The following GRM8 variants were observed in gnomAD, a reference collection of about 807,000 sequenced individuals.
GRM8 encodes glutamate metabotropic receptor 8, also known as metabotropic glutamate receptor 8.
In GRM8, 47 loss-of-function variants were observed where a neutral mutation model predicts 87.2. That is an observed-to-expected ratio of 0.54 (90% CI 0.43 to 0.69). The LOEUF is 0.69. Among genes scored for constraint, GRM8 ranks in the 30% least tolerant of loss-of-function variants. The pLI, the probability that GRM8 is intolerant of heterozygous loss-of-function variation, is 0.00. For synonymous variants in GRM8, 396 were observed against 404.5 expected (o/e 0.98, Z 0.25); for missense variants, 1,019 against 1,139.2 (o/e 0.89, Z 1.52).
Position 126,744,840 on chromosome 7 carries a change from C to T in GRM8, c.1357+25025G>A, listed in dbSNP as rs188095578. Among the ~76,000 whole-genome samples the T allele has an allele frequency of 3.0e-4, 45 of 152,032 alleles. No homozygotes were observed. The Middle Eastern group carries it at 0.01, about 34-fold the overall frequency. ...TGGAAGATATAAGAATGCAAGCTGT[C>T]TTCTAGTAATCCAGACATTAAAGGG... On this transcript the variant is annotated intron_variant, in intron 7 of 10. Transcript: ENST00000339582.
At chr7:126,614,595 G>A (rs929239422) in intron 7 of GRM8, among the ~76,000 whole-genome samples, 5 of 152,134 alleles carry the variant, frequency 3.3e-5, no homozygotes, top group South Asian at 2.1e-4. Flanking sequence ...GAGGAAGTTC[G>A]AACCCAATGC....
chr7:126,779,493 A>G (rs1203403928), intron 6 of GRM8, among the ~76,000 whole-genome samples: 1 of 152,058 alleles, frequency 6.6e-6, no homozygotes, highest in Non-Finnish European at 1.5e-5. Context: ...AGTCTTTATA[A>G]CTAATTAAAC....
chr7:126,786,527 T>C (rs1462389027), intron 6 of GRM8, among the ~76,000 whole-genome samples: 1 of 152,174 alleles, frequency 6.6e-6, no homozygotes, highest in Non-Finnish European at 1.5e-5. Context: ...TCTCAAAAAA[T>C]GTGAGTGTCC....
At chr7:126,822,072 C>T (rs1410591097) in intron 6 of GRM8, among the ~76,000 whole-genome samples, 1 of 152,174 alleles carries the variant, frequency 6.6e-6, no homozygotes, top group African/African-American at 2.4e-5. Context: ...TGCCACAGAG[C>T]TGACACTGTG....
At chr7:127,046,669 A>C (rs1248300522) in intron 3 of GRM8, among the ~76,000 whole-genome samples, 1 of 152,244 alleles carries the variant, frequency 6.6e-6, no homozygotes, top group Non-Finnish European at 1.5e-5. Flanking sequence ...TTGATTTTAT[A>C]TCTAACGGCC....
Position 127,185,597 on chromosome 7 carries a change from GA to G in GRM8, c.510+57097del, listed in dbSNP as rs200954975. Among the ~76,000 whole-genome samples the G allele has an allele frequency of 7.3e-3, 1,107 of 151,854 alleles. 19 individuals carry two copies. Among genetic ancestry groups the G allele is most frequent in the African/African-American group, 0.026 (1,060 of 41,438 alleles). On this transcript the variant is annotated intron_variant, in intron 2 of 10. Coordinates refer to ENST00000339582, the MANE Select transcript of GRM8 (RefSeq NM_000845.3). ...GATACAACACCAAAGCATAATCTAC[GA>G]AAAAAAATTGGTAAGTTGGATTTTA... is the stretch of plus-strand genomic sequence containing the variant.
intron 3 of GRM8, among the ~76,000 whole-genome samples, chr7:127,017,478 A>G (rs184802772): frequency 6.1e-4 from 93 of 152,228 alleles, no homozygotes; most frequent in Non-Finnish European, 9.3e-4. Context: ...GCCAAGCTGC[A>G]GAAATAGCCC....
chr7:126,656,075 T>C (rs1319551647), intron 7 of GRM8, among the ~76,000 whole-genome samples: 1 of 152,228 alleles, frequency 6.6e-6, no homozygotes, highest in South Asian at 2.1e-4. Flanking sequence ...CTTTTAGTAT[T>C]GGCTTTCCAT....
At chr7:126,633,721 C>G (rs533135810) in intron 7 of GRM8, among the ~76,000 whole-genome samples, 1 of 151,654 alleles carries the variant, frequency 6.6e-6, no homozygotes, top group Non-Finnish European at 1.5e-5. Context: ...GTTAAAATAA[C>G]CTCTTTCACT....
intron 3 of GRM8, among the ~76,000 whole-genome samples, chr7:127,009,888 G>C (rs1814702627): frequency 6.6e-6 from 1 of 151,940 alleles, no homozygotes; most frequent in African/African-American, 2.4e-5. Context: ...CTGTCACCCA[G>C]GCTGGACTGC....
chr7:126,474,926 T>C (rs528870633), intron 9 of GRM8, among the ~76,000 whole-genome samples: 1 of 152,130 alleles, frequency 6.6e-6, no homozygotes, highest in Non-Finnish European at 1.5e-5. Context: ...TTTGACAAAA[T>C]TCAACATCCT....
At chr7:126,456,152 C>T (rs1198366848) in intron 9 of GRM8, among the ~76,000 whole-genome samples, 7 of 151,466 alleles carry the variant, frequency 4.6e-5, no homozygotes, top group Non-Finnish European at 8.9e-5. Context: ...AACTATAAAA[C>T]AATCATAAAG....
chr7:126,795,108 A>AT (rs1432929801), intron 6 of GRM8, among the ~76,000 whole-genome samples: 2 of 152,180 alleles, frequency 1.3e-5, no homozygotes, highest in African/African-American at 4.8e-5. Context: ...TATTTATTAC[A>AT]TTTGGCAGCC....
chr7:126,562,667 G>A (rs1322415424), intron 8 of GRM8, among the ~76,000 whole-genome samples: 1 of 152,168 alleles, frequency 6.6e-6, no homozygotes, highest in African/African-American at 2.4e-5. Context: ...GGCCAAAGGG[G>A]GCAGATCACC....
At chr7:127,003,022 A>C (rs1813882902) in intron 3 of GRM8, among the ~76,000 whole-genome samples, 1 of 151,630 alleles carries the variant, frequency 6.6e-6, no homozygotes. Context: ...ATAGCCTTCA[A>C]ACAATTTGAG....
At chr7:127,042,748 C>T (rs1464845795) in intron 3 of GRM8, among the ~76,000 whole-genome samples, 1 of 152,142 alleles carries the variant, frequency 6.6e-6, no homozygotes, top group Non-Finnish European at 1.5e-5. Flanking sequence ...GCAACAAAAG[C>T]CAAAATTGAC....
intron 3 of GRM8, among the ~76,000 whole-genome samples, chr7:126,952,293 T>A (rs1379014326): frequency 6.6e-6 from 1 of 152,002 alleles, no homozygotes; most frequent in Non-Finnish European, 1.5e-5. Flanking sequence ...TACACATGGA[T>A]ATAAATAATC....
intron 9 of GRM8, among the ~76,000 whole-genome samples, chr7:126,464,399 AT>A (rs35620072): frequency 0.13 from 19,194 of 151,268 alleles, 1,361 homozygotes; most frequent in Admixed American, 0.17. Context: ...GTTTTTTATT[AT>A]TTTTTATGAT....
chr7:126,505,802 T>C (rs561838646), intron 9 of GRM8, among the ~76,000 whole-genome samples: 9 of 152,092 alleles, frequency 5.9e-5, no homozygotes, highest in Non-Finnish European at 1.2e-4. Context: ...CTAATTAACA[T>C]ATCCATCACC....
Sources: allele counts gnomAD v4.1 joint callset (sites outside exome capture counted in the v4.1 genomes callset), GRCh38; gene constraint gnomAD v4.1.1; transcripts MANE v1.5; gene names NCBI Gene and HGNC (gene_info 2026-07-23, HGNC 2026-07-21).